SUGP1: variants seen among roughly 807,000 people sequenced by gnomAD.
The protein encoded by SUGP1 is SURP and G-patch domain-containing protein 1.
In SUGP1, 34 loss-of-function variants were observed where a neutral mutation model predicts 76.5. The ratio of observed to expected loss-of-function variants is 0.44; its 90% CI spans 0.34 to 0.59. The LOEUF is 0.59. Among genes scored for constraint, SUGP1 ranks in the 20% least tolerant of loss-of-function variants. The pLI is 0.01. For synonymous variants in SUGP1, 326 were observed against 326.2 expected, an observed-to-expected ratio of 1.00 and a Z score of 0.01; for missense variants, 752 against 851.7, an observed-to-expected ratio of 0.88 and a Z score of 1.46.
chr19:19,285,965 G>A (rs1296476683), intron 8 of SUGP1, among the ~76,000 whole-genome samples: 4 of 152,138 alleles, frequency 2.6e-5, no homozygotes, highest in Non-Finnish European at 4.4e-5. Flanking sequence ...TAACCCCTGA[G>A]TCTTAAAGGG....
At chr19:19,278,005 A>G in intron 11 of SUGP1, 126 bp from the exon 12 acceptor site, 1 of 1,162,724 alleles carries the variant, frequency 8.6e-7, no homozygotes, top group Non-Finnish European at 1.2e-6. Flanking sequence ...CTCTCACCAG[A>G]TCAGACTCCT....
At chr19:19,288,436 CT>C (rs1270485282) in intron 8 of SUGP1, among the ~76,000 whole-genome samples, 2 of 152,086 alleles carry the variant, frequency 1.3e-5, no homozygotes, top group Non-Finnish European at 2.9e-5. Flanking sequence ...TGTTAATCAA[CT>C]GTTTATGTTA....
rs2146619566 is a variant in SUGP1 at position 19,305,901 on chromosome 19, C to T, written c.486G>A (p.Gln162=). Residue 162 remains glutamine, a synonymous_variant, in exon 4 of 14, where the codon CAG becomes CAA. Transcript: ENST00000247001. The stretch of plus-strand genomic sequence containing the variant: ...CCTCCTCCTCGTCCTCGTCAGGGGA[C>T]TGGAAGACACTCGGGCGGTGCGCCA... ...LPVAHRPSVF[Q]SPDEDEEEDY... 6.2e-7 allele frequency: 1 copy of T among 1,613,698 alleles called. No homozygotes were observed. Among genetic ancestry groups the T allele is most frequent in the South Asian group, 1.1e-5 (1 of 91,052 alleles).
intron 13 of SUGP1, 80 bp from the exon 14 acceptor site, chr19:19,276,754 G>A: frequency 6.2e-7 from 1 of 1,603,450 alleles, no homozygotes; most frequent in Non-Finnish European, 8.5e-7. Flanking sequence ...ACCTTCCGGA[G>A]GCAGCTGAGC....
In SUGP1 at chr19:19,286,371, A is replaced by G. The variant is rs142950764; in HGVS notation, c.1244-6080T>C. 6.7e-3 allele frequency among the ~76,000 whole-genome samples: 1,018 copies of G among 152,328 alleles called. 39 individuals carry two copies. The highest frequency in any genetic ancestry group is 0.062 in the Admixed American group (950 of 15,292). On this transcript the variant is annotated intron_variant, in intron 8 of 13. Coordinates refer to ENST00000247001, the MANE Select transcript of SUGP1 (RefSeq NM_172231.4). Reference sequence around the variant, plus strand: ...TATCAAAGCTACGGAAGAGAACCTCAGCAGAGCGAACATTATGAAAGTCTG... The same window carrying G: ...TATCAAAGCTACGGAAGAGAACCTCGGCAGAGCGAACATTATGAAAGTCTG...
At chr19:19,286,483 T>C (rs868353949) in intron 8 of SUGP1, among the ~76,000 whole-genome samples, 46 of 152,304 alleles carry the variant, frequency 3.0e-4, no homozygotes, top group African/African-American at 1.1e-3. Context: ...CATGACTTCA[T>C]GGGATTTATA....
intron 12 of SUGP1, 34 bp from the exon 13 acceptor site, chr19:19,277,110 G>C (rs1480161517): frequency 6.3e-7 from 1 of 1,592,536 alleles, no homozygotes. Context: ...CAGGGACCTG[G>C]GGCCAGAACT....
chr19:19,284,879 T>G (rs1016954458), intron 8 of SUGP1, among the ~76,000 whole-genome samples: 36 of 151,680 alleles, frequency 2.4e-4, no homozygotes, highest in Non-Finnish European at 3.4e-4. Flanking sequence ...AGGTTTGTTT[T>G]TTTTTTTTTT....
chr19:19,313,327 G>A (rs2061366038), intron 2 of SUGP1, among the ~76,000 whole-genome samples: 2 of 151,492 alleles, frequency 1.3e-5, no homozygotes, highest in Non-Finnish European at 2.9e-5. Flanking sequence ...CCCAGGAAGC[G>A]AATGTTGCAG....
In SUGP1 at chr19:19,307,258, C is replaced by A. The variant is rs80294224; in HGVS notation, c.311-1182G>T. On this transcript the variant is annotated intron_variant, in intron 3 of 13. Coordinates refer to ENST00000247001, the MANE Select transcript of SUGP1 (RefSeq NM_172231.4). ...TTTGCAGAGATGGGTTCTTGCTAGG[C>A]TGTCCAGGCTGGTCTCACACTCTTA... 4.0e-3 allele frequency among the ~76,000 whole-genome samples: 608 copies of A among 152,032 alleles called. 2 individuals are homozygous for A. Among genetic ancestry groups the A allele is most frequent in the African/African-American group, 0.014 (583 of 41,474 alleles).
rs778438779 is a variant in SUGP1 at position 19,305,916 on chromosome 19, G to C, written c.471C>G (p.Arg157=). 6.2e-7 allele frequency: 1 copy of C among 1,613,716 alleles called. No individual in the cohort carries two copies. Among genetic ancestry groups the C allele is most frequent in the South Asian group, 1.1e-5 (1 of 91,066 alleles). Residue 157 remains arginine, a synonymous_variant, in exon 4 of 14, where the codon CGC becomes CGG. Transcript: ENST00000247001. The part of the protein sequence containing the change: ...SHAKQLPVAH[R]PSVFQSPDED... Reference sequence around the variant, plus strand: ...CGTCAGGGGACTGGAAGACACTCGGGCGGTGCGCCACGGGCAGCTGCTTGG... The same window carrying C: ...CGTCAGGGGACTGGAAGACACTCGGCCGGTGCGCCACGGGCAGCTGCTTGG...
intron 3 of SUGP1, among the ~76,000 whole-genome samples, chr19:19,306,318 T>TGGAG (rs1300248113): frequency 6.6e-6 from 1 of 152,160 alleles, no homozygotes; most frequent in Non-Finnish European, 1.5e-5. Context: ...CCGCTGTGGC[T>TGGAG]GGAGGCATCT....
intron 8 of SUGP1, among the ~76,000 whole-genome samples, chr19:19,283,700 C>T (rs1480571895): frequency 1.3e-5 from 2 of 152,218 alleles, no homozygotes; most frequent in African/African-American, 2.4e-5. Context: ...TTGATCCGCC[C>T]GCCTCGGCCT....
rs1191937746 is a variant in SUGP1 at position 19,276,555 on chromosome 19, G to C, written c.*93C>G. On this transcript the variant is annotated 3_prime_UTR_variant, in exon 14 of 14. Transcript: ENST00000247001. ...GACTTTATTACACGGCACGGCACTC[G>C]TGACAACGGAAGGGGTGGGCAGAAA... is the stretch of plus-strand genomic sequence containing the variant. 1.7e-5 allele frequency: 25 copies of C among 1,513,228 alleles called. No homozygotes were observed. In the Admixed American group the frequency reaches 1.7e-4, roughly 10 times the overall value. 93.7% of individuals were successfully genotyped at this position (1,513,228 alleles called of 1,614,324 possible).
chr19:19,318,111 TTC>T (rs1377282950), intron 1 of SUGP1, among the ~76,000 whole-genome samples: 3 of 109,798 alleles, frequency 2.7e-5, no homozygotes, highest in Non-Finnish European at 5.5e-5. Flanking sequence ...GAACCCAGCC[TTC>T]TTTTTTTTTT....
At chr19:19,297,394 T>C (rs1599858323) in intron 7 of SUGP1, 50 bp from the exon 8 acceptor site, 1 of 1,441,138 alleles carries the variant, frequency 6.9e-7, no homozygotes, top group Non-Finnish European at 9.3e-7. Flanking sequence ...CGAGGCCCTG[T>C]CCCTGATTCT....
At chr19:19,298,912 T>A (rs1442406750) in intron 7 of SUGP1, among the ~76,000 whole-genome samples, 3 of 151,574 alleles carry the variant, frequency 2.0e-5, no homozygotes, top group African/African-American at 7.3e-5. Context: ...TGCATCACAG[T>A]CCCCTGGAGG....
intron 2 of SUGP1, among the ~76,000 whole-genome samples, chr19:19,311,454 G>A (rs2061352284): frequency 1.3e-5 from 2 of 152,022 alleles, no homozygotes; most frequent in South Asian, 4.1e-4. Context: ...CAGGCTGGGC[G>A]CGGTGGCTCA....
At position 19,277,090 on chromosome 19, in the gene SUGP1, A is replaced by G; in HGVS notation, c.1782-14T>C. 6.2e-7 allele frequency: 1 copy of G among 1,604,710 alleles called. No homozygotes were observed. The highest frequency in any genetic ancestry group is 1.3e-5 in the African/African-American group (1 of 74,980). ...GTGGTGGTGCCCCTACAGGGAGAAG[A>G]GGATGTGAGCAGGGACCTGGGGCCA... On this transcript the variant is annotated splice_polypyrimidine_tract_variant and intron_variant, in intron 12 of 13. Coordinates refer to ENST00000247001, the MANE Select transcript of SUGP1 (RefSeq NM_172231.4).
Sources: gnomAD v4.1 joint callset for allele counts (sites outside exome capture counted in the v4.1 genomes callset) on GRCh38, gnomAD v4.1.1 for gene constraint, MANE v1.5 for transcripts, NCBI Gene and HGNC (gene_info 2026-07-23, HGNC 2026-07-21) for gene names.